Variants in ULK2 observed in about 807,000 individuals in gnomAD.
ULK2 encodes the protein serine/threonine-protein kinase ULK2.
Under a neutral mutation model 127.5 loss-of-function variants are expected in ULK2, and 76 were observed. That is an observed-to-expected ratio of 0.60 (90% CI 0.50 to 0.72). ULK2 has a LOEUF of 0.72. ULK2 is among the 30% of genes least tolerant of loss of function. The probability of loss-of-function intolerance (pLI) is 0.00; values close to 1 mark genes in which losing one functional copy is unlikely to be tolerated. For missense variants in ULK2, 1,144 were observed against 1,295.9 expected (o/e 0.88, Z 1.80); for synonymous variants, 452 against 461.9 (o/e 0.98, Z 0.28).
intron 5 of ULK2, among the ~76,000 whole-genome samples, 197 bp from the exon 6 acceptor site, chr17:19,847,107 G>A (rs551837335): frequency 6.6e-5 from 10 of 152,280 alleles, no homozygotes; most frequent in Admixed American, 2.6e-4. Context: ...TAGTCAATCT[G>A]TTGTAAAGAG....
chr17:19,848,517 G>A (rs1239650861), intron 5 of ULK2, among the ~76,000 whole-genome samples: 1 of 152,178 alleles, frequency 6.6e-6, no homozygotes, highest in African/African-American at 2.4e-5. Flanking sequence ...TGTGGCTCAC[G>A]CCTGTAATCC....
In ULK2 at chr17:19,771,363, A is replaced by G. The variant is rs909645281; in HGVS notation, c.*4986T>C. 1 of 152,256 alleles carries G rather than the reference A, an allele frequency of 6.6e-6. No individual in the cohort carries two copies. The highest frequency in any genetic ancestry group is 1.5e-5 in the Non-Finnish European group (1 of 68,048). 9.4% of individuals were successfully genotyped at this position (152,256 alleles called of 1,614,324 possible). A position where few individuals can be genotyped will look rare whatever the true frequency, so the allele number is the denominator to read the frequency against. ...AGCCAAATTGACTTAAAAGGGCAAC[A>G]TAGATGTCTGAAGCCAGACTGCCTG... is the stretch of plus-strand genomic sequence containing the variant. On this transcript the variant is annotated 3_prime_UTR_variant, in exon 27 of 27. Transcript: ENST00000395544.
chr17:19,842,192 T>C (rs9911022), intron 8 of ULK2, among the ~76,000 whole-genome samples: 14 of 130,856 alleles, frequency 1.1e-4, no homozygotes, highest in South Asian at 2.4e-4. Context: ...TTCTTTTTCT[T>C]TTTTTTTTTT....
chr17:19,838,719 G>T (rs2041659067), intron 9 of ULK2, 136 bp from the exon 10 acceptor site: 3 of 697,776 alleles, frequency 4.3e-6, no homozygotes, highest in Non-Finnish European at 7.0e-6. Flanking sequence ...CGAAGACCAT[G>T]TAAGAGTCAT....
chr17:19,846,639 CAAA>C (rs140413803), intron 6 of ULK2, 95 bp downstream of exon 6: 1,018 of 1,135,680 alleles, frequency 9.0e-4, no homozygotes, highest in South Asian at 1.5e-3. Flanking sequence ...GACTCCATCT[CAAA>C]AAAAAAAAAA....
At chr17:19,780,154 A>G (rs915053448) in intron 25 of ULK2, among the ~76,000 whole-genome samples, 3 of 151,664 alleles carry the variant, frequency 2.0e-5, no homozygotes, top group African/African-American at 7.3e-5. Context: ...AGCCTGGGCG[A>G]CAGAGTAACT....
intron 3 of ULK2, among the ~76,000 whole-genome samples, chr17:19,854,139 G>A (rs898949547): frequency 1.3e-5 from 2 of 151,952 alleles, no homozygotes; most frequent in Non-Finnish European, 1.5e-5. Flanking sequence ...TTAGCTGGGT[G>A]TGGTGGTGCA....
At position 19,783,804 on chromosome 17, in the gene ULK2, C is replaced by T. The variant is rs775473298; in HGVS notation, c.2353G>A (p.Glu785Lys). Reference sequence around the variant, plus strand: ...ACGTATCTCAGGCTGGGAGCTGCCTCTGCTCCTGGAGGGGAAGAGCCGAAG... The same window carrying T: ...ACGTATCTCAGGCTGGGAGCTGCCTTTGCTCCTGGAGGGGAAGAGCCGAAG... ...PGFGSSPPGAEAAPSLRYVPY... is the reference protein window; with the variant it reads ...PGFGSSPPGAKAAPSLRYVPY... The change falls in exon 22 of 27, where the codon GAG (glutamate) becomes AAG (lysine). Residue 785 changes from glutamate to lysine, a missense_variant. Transcript: ENST00000395544. 6.2e-7 allele frequency: 1 copy of T among 1,605,126 alleles called. No homozygotes were observed. The highest frequency in any genetic ancestry group is 2.3e-5 in the East Asian group (1 of 44,436).
chr17:19,865,536 C>A (rs527415584), intron 2 of ULK2, among the ~76,000 whole-genome samples, 200 bp downstream of exon 2: 1 of 152,168 alleles, frequency 6.6e-6, no homozygotes, highest in Non-Finnish European at 1.5e-5. Flanking sequence ...TCAGTCTTCA[C>A]AGAATCCCTC....
chr17:19,780,379 C>G, intron 25 of ULK2, 93 bp downstream of exon 25: 1 of 1,207,322 alleles, frequency 8.3e-7, no homozygotes, highest in Non-Finnish European at 1.1e-6. Context: ...GAGACATTAT[C>G]TTTTAAAAGG....
At chr17:19,787,290 GT>G (rs2087055294) in intron 20 of ULK2, among the ~76,000 whole-genome samples, 1 of 151,124 alleles carries the variant, frequency 6.6e-6, no homozygotes, top group South Asian at 2.1e-4. Context: ...CCCAGCCTTA[GT>G]TTTTATTTTT....
chr17:19,787,410 CCA>C (rs931096475), intron 20 of ULK2, among the ~76,000 whole-genome samples: 3 of 151,314 alleles, frequency 2.0e-5, no homozygotes, highest in African/African-American at 7.3e-5. Context: ...CCTCGGCCTT[CCA>C]CAGTGTTGGG....
At position 19,840,568 on chromosome 17, in the gene ULK2, T is replaced by TA. The variant is rs201662392; in HGVS notation, c.704+920dup. On this transcript the variant is annotated intron_variant, in intron 9 of 26. Coordinates refer to ENST00000395544, the MANE Select transcript of ULK2 (RefSeq NM_014683.4). ...CTGCCTAAATAGTCTATTAATCATT[T>TA]AAAAAAAAAAAAAAAAGCATACAGT... 9.0e-3 allele frequency: 1,656 copies of TA among 183,584 alleles called. 2 individuals carry two copies. The highest frequency in any genetic ancestry group is 0.02 in the South Asian group (237 of 11,610). The allele number at this position is 183,584 out of a possible 1,614,324, so 11.4% of individuals were successfully genotyped here.
rs573059155 is a variant in ULK2, at chr17:19,800,390, G to A, written c.1442-815C>T. Among the ~76,000 whole-genome samples, 5 of 152,206 alleles carry A rather than the reference G, an allele frequency of 3.3e-5. No individual in the cohort carries two copies. In the East Asian group the frequency reaches 9.7e-4, roughly 29 times the overall value. On this transcript the variant is annotated intron_variant, in intron 16 of 26. Coordinates refer to ENST00000395544, the MANE Select transcript of ULK2 (RefSeq NM_014683.4). ...CTATATCAAGAGGGCTCATTCCAAG[G>A]GATTAAGCAGCGGGCAGAGATCAGA...
At chr17:19,835,949 C>T (rs1206160524) in intron 10 of ULK2, among the ~76,000 whole-genome samples, 2 of 151,580 alleles carry the variant, frequency 1.3e-5, no homozygotes, top group Non-Finnish European at 2.9e-5. Context: ...TTGTGAGACC[C>T]TATCCCTACA....
At chr17:19,797,936 A>T (rs549984137) in intron 17 of ULK2, among the ~76,000 whole-genome samples, 1 of 152,294 alleles carries the variant, frequency 6.6e-6, no homozygotes, top group African/African-American at 2.4e-5. Flanking sequence ...GTAGATAGCA[A>T]ATAACTCAGA....
intron 13 of ULK2, among the ~76,000 whole-genome samples, chr17:19,814,443 T>G (rs1482504624): frequency 5.9e-5 from 1 of 16,926 alleles, no homozygotes; most frequent in African/African-American, 1.7e-4. Context: ...TATATATTTT[T>G]TTTTTTTTTT....
intron 14 of ULK2, among the ~76,000 whole-genome samples, chr17:19,807,363 G>A (rs1270981686): frequency 6.6e-6 from 1 of 152,138 alleles, no homozygotes; most frequent in Non-Finnish European, 1.5e-5. Flanking sequence ...CACTCAGATG[G>A]TGCACTCTAA....
intron 22 of ULK2, among the ~76,000 whole-genome samples, chr17:19,783,277 C>T (rs2086958035): frequency 1.3e-5 from 2 of 151,890 alleles, no homozygotes; most frequent in Admixed American, 6.6e-5. Context: ...ATGGTGAAAC[C>T]CCGTCTCTAC....
Sources: allele counts gnomAD v4.1 joint callset (sites outside exome capture counted in the v4.1 genomes callset), GRCh38; gene constraint gnomAD v4.1.1; transcripts MANE v1.5; gene names NCBI Gene and HGNC (gene_info 2026-07-23, HGNC 2026-07-21).